The following ZNF223 variants were observed in gnomAD, a reference collection of about 807,000 sequenced individuals.
The protein encoded by ZNF223 is Homo sapiens zinc finger protein 223.
Under a neutral mutation model 12.3 loss-of-function variants are expected in ZNF223, and 9 were observed. The ratio of observed to expected loss-of-function variants is 0.73; its 90% CI spans 0.44 to 1.28. The LOEUF (loss-of-function observed/expected upper bound fraction) is 1.28, where lower values mean the gene tolerates loss of function less well. Among genes scored for constraint, ZNF223 ranks in the 50% most tolerant of loss-of-function variants. ZNF223 has a pLI of 0.00. For synonymous variants in ZNF223, 171 were observed against 195.2 expected (o/e 0.88, Z 1.03); for missense variants, 506 against 579.0 (o/e 0.87, Z 1.29).
intron 4 of ZNF223, 131 bp downstream of exon 4, chr19:44,060,972 A>G (rs4502339): frequency 0.99 from 889,151 of 896,546 alleles, 440,937 homozygotes; most frequent in East Asian, 1. Context: ...CCTTCCAGCT[A>G]GTGGCCCTGC....
chr19:44,055,367 T>G (rs1237413441), intron 2 of ZNF223, among the ~76,000 whole-genome samples, 176 bp downstream of exon 2: 4 of 151,912 alleles, frequency 2.6e-5, no homozygotes, highest in African/African-American at 9.7e-5. Flanking sequence ...TTGGCCAGGC[T>G]TGTATCGAAC....
intron 2 of ZNF223, among the ~76,000 whole-genome samples, chr19:44,057,641 A>G (rs760317000): frequency 4.6e-5 from 7 of 152,262 alleles, no homozygotes; most frequent in Non-Finnish European, 8.8e-5. Context: ...CAAGCCTTGT[A>G]GGAAAACATG....
In ZNF223 at chr19:44,052,195, G is replaced by A. The variant is rs913707474; in HGVS notation, c.-69G>A. ...CCTTGGCGAAGAGCAGAGGTTTAGA[G>A]GTGCGAGGGCGGGGAGGGTGTTTAT... On this transcript the variant is annotated splice_region_variant and 5_prime_UTR_variant, in exon 1 of 5. Transcript: ENST00000434772. 1 of 153,960 alleles carries A rather than the reference G, an allele frequency of 6.5e-6. No individual in the cohort carries two copies. Among genetic ancestry groups the A allele is most frequent in the Admixed American group, 6.5e-5 (1 of 15,292 alleles). The allele number at this position is 153,960 out of a possible 1,614,324, so 9.5% of individuals were successfully genotyped here. A position where few individuals can be genotyped will look rare whatever the true frequency, so the allele number is the denominator to read the frequency against.
chr19:44,057,546 G>A (rs772601600), intron 2 of ZNF223, among the ~76,000 whole-genome samples: 6 of 152,122 alleles, frequency 3.9e-5, no homozygotes, highest in Non-Finnish European at 7.4e-5. Flanking sequence ...AGTCTGTGCC[G>A]TAGACTTTTC....
chr19:44,059,726 C>G (rs1976812493), intron 2 of ZNF223, among the ~76,000 whole-genome samples: 1 of 152,168 alleles, frequency 6.6e-6, no homozygotes, highest in Admixed American at 6.5e-5. Context: ...TTGTTTGGCT[C>G]AGACCTTCCT....
chr19:44,058,820 T>TA (rs1976801483), intron 2 of ZNF223, among the ~76,000 whole-genome samples: 1 of 152,186 alleles, frequency 6.6e-6, no homozygotes, highest in Admixed American at 6.5e-5. Context: ...CTTGTAGGTG[T>TA]AGGACATAAA....
chr19:44,060,733 C>G lies in ZNF223; in HGVS notation c.143-16C>G, dbSNP rs1186504084. ...GAATATGTTGGGATTAAGCATGTGA[C>G]TTTTCCTGTTTACAGGGCATCAACC... On this transcript the variant is annotated splice_polypyrimidine_tract_variant and intron_variant, in intron 3 of 4. Transcript: ENST00000434772. 6.2e-7 allele frequency: 1 copy of G among 1,613,934 alleles called. No homozygotes were observed. The highest frequency in any genetic ancestry group is 1.1e-5 in the South Asian group (1 of 91,066).
chr19:44,060,291 C>T, intron 2 of ZNF223, 164 bp from the exon 3 acceptor site: 1 of 1,193,990 alleles, frequency 8.4e-7, no homozygotes, highest in Non-Finnish European at 1.2e-6. Flanking sequence ...CAAGGTGTGT[C>T]ATTGTCAGGA....
intron 2 of ZNF223, 147 bp from the exon 3 acceptor site, chr19:44,060,308 C>G: frequency 7.5e-7 from 1 of 1,331,156 alleles, no homozygotes. Context: ...AGGACACAGA[C>G]TAGAATGAAT....
chr19:44,066,948 T>C lies in ZNF223; in HGVS notation c.1120T>C (p.Cys374Arg), dbSNP rs772366694. 10 of 1,614,038 alleles carry C rather than the reference T, an allele frequency of 6.2e-6. No homozygotes were observed. In the Admixed American group the frequency reaches 1.5e-4, roughly 24 times the overall value. The change falls in exon 5 of 5, where the codon TGT (cysteine) becomes CGT (arginine). Residue 374 changes from cysteine to arginine, a missense_variant. Physicochemically the swap from Cys to Arg is radical, Grantham distance 180 (BLOSUM62 -3). Transcript: ENST00000434772. ...RVHTGEKPYKCDKCGKSYITK... is the reference protein window; with the variant it reads ...RVHTGEKPYKRDKCGKSYITK... ...CCACACTGGAGAAAAGCCATACAAATGTGACAAGTGTGGGAAGAGCTACAT... is the reference window on the plus strand; with the variant it reads ...CCACACTGGAGAAAAGCCATACAAACGTGACAAGTGTGGGAAGAGCTACAT...
Position 44,060,773 on chromosome 19 carries a change from C to T in ZNF223, c.167C>T (p.Thr56Ile), listed in dbSNP as rs771674484. 1.9e-6 allele frequency: 3 copies of T among 1,613,996 alleles called. No homozygotes were observed. Among genetic ancestry groups the T allele is most frequent in the East Asian group, 4.5e-5 (2 of 44,894 alleles). ...GGGCATCAACCATTCCACCGAGATA[C>T]TTTCCACTTTCTAAGGGAGGAAAAG... is the stretch of plus-strand genomic sequence containing the variant. ...SVGHQPFHRD[T>I]FHFLREEKFW... The change falls in exon 4 of 5, where the codon ACT (threonine) becomes ATT (isoleucine). Residue 56 changes from threonine (T) to isoleucine (I), a missense_variant. Physicochemically the swap from Thr to Ile is moderately conservative, Grantham distance 89. Transcript: ENST00000434772.
At chr19:44,056,363 A>AC (rs1432116917) in intron 2 of ZNF223, among the ~76,000 whole-genome samples, 1 of 67,088 alleles carries the variant, frequency 1.5e-5, no homozygotes, top group Non-Finnish European at 2.6e-5. Context: ...TAAAAATACA[A>AC]AAAAAAAAAA....
chr19:44,065,157 GCAAA>G (rs1449965383), intron 4 of ZNF223, among the ~76,000 whole-genome samples: 2 of 152,150 alleles, frequency 1.3e-5, no homozygotes, highest in Non-Finnish European at 2.9e-5. Context: ...TTGCCCCCAA[GCAAA>G]CAGAGAGACT....
In ZNF223 at chr19:44,060,584, G is replaced by A. The variant is rs376647745; in HGVS notation, c.142+3G>A. 2 of 1,614,084 alleles carry A rather than the reference G, an allele frequency of 1.2e-6. No homozygotes were observed. The highest frequency in any genetic ancestry group is 1.1e-5 in the South Asian group (1 of 91,070). On this transcript the variant is annotated splice_donor_region_variant and intron_variant, in intron 3 of 4. Transcript: ENST00000434772. Reference sequence around the variant, plus strand: ...CTTCAGGAACCTGCTGTCAGTGGGTGAGGACAGGCATCTTCTATAAGGGAA... The same window carrying A: ...CTTCAGGAACCTGCTGTCAGTGGGTAAGGACAGGCATCTTCTATAAGGGAA...
chr19:44,062,527 G>T (rs1335729911), intron 4 of ZNF223, among the ~76,000 whole-genome samples: 1 of 151,126 alleles, frequency 6.6e-6, no homozygotes, highest in East Asian at 1.9e-4. Flanking sequence ...TTGCAGAACA[G>T]ATTTTTTTTT....
At chr19:44,065,943 G>A in intron 4 of ZNF223, 121 bp from the exon 5 acceptor site, 1 of 1,453,848 alleles carries the variant, frequency 6.9e-7, no homozygotes, top group Non-Finnish European at 9.1e-7. Flanking sequence ...AAACCAGGGT[G>A]CACTTGGAAA....
In ZNF223 at chr19:44,067,409, C is replaced by A; in HGVS notation, c.*132C>A. 1 of 1,099,260 alleles carries A rather than the reference C, an allele frequency of 9.1e-7. No individual in the cohort carries two copies. The allele number at this position is 1,099,260 out of a possible 1,614,324, so 68.1% of individuals were successfully genotyped here. A position where few individuals can be genotyped will look rare whatever the true frequency, so the allele number is the denominator to read the frequency against. ...TTTTGTGTTGAGAAAATTAAAAATT[C>A]ATTGTTCCAGCAGTTTGAAAATAAA... On this transcript the variant is annotated 3_prime_UTR_variant, in exon 5 of 5. Transcript: ENST00000434772.
At position 44,058,338 on chromosome 19, in the gene ZNF223, A is replaced by G. The variant is rs1357134552; in HGVS notation, c.16-2117A>G. Among the ~76,000 whole-genome samples the G allele has an allele frequency of 2.8e-5, 4 of 142,638 alleles. No homozygotes were observed. In the East Asian group the frequency reaches 8.3e-4, roughly 30 times the overall value. The allele number at this position is 142,638 out of a possible 152,430, so 93.6% of individuals were successfully genotyped here. A position where few individuals can be genotyped will look rare whatever the true frequency, so the allele number is the denominator to read the frequency against. On this transcript the variant is annotated intron_variant, in intron 2 of 4. Transcript: ENST00000434772. ...CATCGACCTCCCCTGGCCTCCCCTG[A>G]TCTTGTTAGATCAGTGTAACACCTT...
Position 44,055,095 on chromosome 19 carries a change from A to G in ZNF223, c.-68-14A>G, listed in dbSNP as rs777997822. 2.7e-6 allele frequency: 4 copies of G among 1,457,978 alleles called. No homozygotes were observed. The Admixed American group carries it at 6.9e-5, about 25-fold the overall frequency. The allele number at this position is 1,457,978 out of a possible 1,614,324, so 90.3% of individuals were successfully genotyped here. The stretch of plus-strand genomic sequence containing the variant: ...CTTTCATGTCTCTTTTTCTGTCTTC[A>G]TGGCACTTTCCAGGCACAATTCTGC... On this transcript the variant is annotated splice_polypyrimidine_tract_variant and intron_variant, in intron 1 of 4. Coordinates refer to ENST00000434772, the MANE Select transcript of ZNF223 (RefSeq NM_013361.6).
Sources: gnomAD v4.1 joint callset for allele counts (sites outside exome capture counted in the v4.1 genomes callset) on GRCh38, gnomAD v4.1.1 for gene constraint, MANE v1.5 for transcripts, NCBI Gene and HGNC (gene_info 2026-07-23, HGNC 2026-07-21) for gene names.